The following ZNRF1 variants were observed in gnomAD, a reference collection of about 807,000 sequenced individuals.
ZNRF1 encodes the protein E3 ubiquitin-protein ligase ZNRF1.
A neutral mutation model predicts 18.4 loss-of-function variants in ZNRF1; 3 were observed. The ratio of observed to expected loss-of-function variants is 0.16; its 90% CI spans 0.07 to 0.42. The LOEUF is 0.42. ZNRF1 is among the 10% of genes least tolerant of loss of function. The probability of loss-of-function intolerance (pLI) is 0.99; values close to 1 mark genes in which losing one functional copy is unlikely to be tolerated. For synonymous variants in ZNRF1, 157 were observed against 144.2 expected (o/e 1.09, Z -0.64); for missense variants, 310 against 329.8 (o/e 0.94, Z 0.47).
chr16:75,022,133 T>C (rs934524792), intron 1 of ZNRF1, among the ~76,000 whole-genome samples: 3 of 151,978 alleles, frequency 2.0e-5, no homozygotes, highest in Non-Finnish European at 4.4e-5. Flanking sequence ...TGGGCACCTG[T>C]AATCCCAGCT....
rs1597877579 is a variant in ZNRF1, at chr16:75,045,745, G to C, written c.424+45650G>C. On this transcript the variant is annotated intron_variant, in intron 1 of 4. Transcript: ENST00000335325. Reference sequence around the variant, plus strand: ...TTTTTTTTTTTTTTTTCCAGAGACAGGGCTAATTCACCCAGGCTGGAGTGC... The same window carrying C: ...TTTTTTTTTTTTTTTTCCAGAGACACGGCTAATTCACCCAGGCTGGAGTGC... 3.4e-5 allele frequency among the ~76,000 whole-genome samples: 5 copies of C among 147,806 alleles called. No individual in the cohort carries two copies. The South Asian group carries it at 1.1e-3, about 32-fold the overall frequency.
At chr16:75,025,723 A>C (rs2035213721) in intron 1 of ZNRF1, among the ~76,000 whole-genome samples, 1 of 152,214 alleles carries the variant, frequency 6.6e-6, no homozygotes, top group Non-Finnish European at 1.5e-5. Context: ...GTTCTGAAGA[A>C]TCTGAATGTG....
intron 1 of ZNRF1, among the ~76,000 whole-genome samples, chr16:75,033,130 G>A (rs1203041917): frequency 2.0e-5 from 3 of 151,958 alleles, no homozygotes; most frequent in South Asian, 4.2e-4. Context: ...TTTGATTACT[G>A]TGGTGTTATA....
chr16:75,098,894 C>T (rs1307211607), intron 2 of ZNRF1, among the ~76,000 whole-genome samples: 1 of 152,126 alleles, frequency 6.6e-6, no homozygotes, highest in Non-Finnish European at 1.5e-5. Context: ...CTAGCAGTTC[C>T]AGGGTCTCTT....
At chr16:75,071,984 G>C (rs1310038662) in intron 1 of ZNRF1, among the ~76,000 whole-genome samples, 1 of 152,056 alleles carries the variant, frequency 6.6e-6, no homozygotes, top group Non-Finnish European at 1.5e-5. Flanking sequence ...GGTCTTTCCA[G>C]CTGGAGTGCA....
chr16:75,008,904 G>T (rs994279663), intron 1 of ZNRF1, among the ~76,000 whole-genome samples: 1 of 152,124 alleles, frequency 6.6e-6, no homozygotes, highest in Admixed American at 6.5e-5. Context: ...GTTGGGGCAG[G>T]TGATCTTTTC....
At chr16:75,072,056 A>T (rs2035877204) in intron 1 of ZNRF1, among the ~76,000 whole-genome samples, 1 of 151,506 alleles carries the variant, frequency 6.6e-6, no homozygotes. Flanking sequence ...CTCCCACTTC[A>T]GCCTCCCGAA....
intron 2 of ZNRF1, among the ~76,000 whole-genome samples, chr16:75,098,121 C>T (rs2036219482): frequency 6.6e-6 from 1 of 152,208 alleles, no homozygotes; most frequent in Non-Finnish European, 1.5e-5. Context: ...CCTGTTACTC[C>T]TCCTACAGGA....
At chr16:75,065,233 T>C (rs901102997) in intron 1 of ZNRF1, among the ~76,000 whole-genome samples, 1 of 152,210 alleles carries the variant, frequency 6.6e-6, no homozygotes, top group African/African-American at 2.4e-5. Context: ...CTTCTTACTC[T>C]AGTACAATCA....
chr16:75,092,077 C>T (rs1406624736), intron 1 of ZNRF1, among the ~76,000 whole-genome samples: 1 of 151,986 alleles, frequency 6.6e-6, no homozygotes, highest in Non-Finnish European at 1.5e-5. Flanking sequence ...GGGCAGGAGA[C>T]TGTTTGAGCC....
intron 1 of ZNRF1, among the ~76,000 whole-genome samples, chr16:75,085,821 A>AGAGAGAGAGAGAGAGAGAGG: frequency 6.8e-6 from 1 of 146,240 alleles, no homozygotes; most frequent in Non-Finnish European, 1.5e-5. Flanking sequence ...AGAGAGAGTG[A>AGAGAGAGAGAGAGAGAGAGG]GTGTGTGTGT....
intron 2 of ZNRF1, among the ~76,000 whole-genome samples, chr16:75,099,181 C>G (rs958604825): frequency 2.0e-5 from 3 of 152,210 alleles, no homozygotes; most frequent in Admixed American, 6.5e-5. Context: ...GTCATCACCA[C>G]TTAGCAGCTG....
intron 1 of ZNRF1, among the ~76,000 whole-genome samples, chr16:75,035,430 G>A (rs1303106672): frequency 6.6e-6 from 1 of 152,154 alleles, no homozygotes; most frequent in Non-Finnish European, 1.5e-5. Flanking sequence ...GCAATGGTGC[G>A]ATCTTGTTGC....
intron 1 of ZNRF1, among the ~76,000 whole-genome samples, chr16:75,059,933 G>C (rs1158165318): frequency 2.0e-5 from 3 of 152,130 alleles, no homozygotes; most frequent in African/African-American, 7.2e-5. Context: ...ATTTGACTAG[G>C]ATTTTATGAC....
At chr16:75,021,246 C>G (rs2035143742) in intron 1 of ZNRF1, among the ~76,000 whole-genome samples, 1 of 151,972 alleles carries the variant, frequency 6.6e-6, no homozygotes, top group Non-Finnish European at 1.5e-5. Flanking sequence ...ACCACGTTGG[C>G]CAGGCTGGTC....
intron 1 of ZNRF1, among the ~76,000 whole-genome samples, chr16:75,064,159 G>C (rs2035775436): frequency 6.6e-6 from 1 of 152,026 alleles, no homozygotes; most frequent in Admixed American, 6.6e-5. Context: ...AAAACAGCCA[G>C]GGGTGGTGGT....
At chr16:75,068,285 G>A (rs962846862) in intron 1 of ZNRF1, among the ~76,000 whole-genome samples, 12 of 151,166 alleles carry the variant, frequency 7.9e-5, no homozygotes, top group Non-Finnish European at 1.0e-4. Flanking sequence ...GATTGCTTAA[G>A]CCCTGGAGGT....
At chr16:75,020,000 C>G (rs376368693) in intron 1 of ZNRF1, among the ~76,000 whole-genome samples, 30 of 152,186 alleles carry the variant, frequency 2.0e-4, no homozygotes, top group Non-Finnish European at 3.5e-4. Flanking sequence ...TGTGAGCCAC[C>G]GCGCCCAGCC....
At chr16:75,064,454 G>A (rs1029125504) in intron 1 of ZNRF1, among the ~76,000 whole-genome samples, 5 of 151,920 alleles carry the variant, frequency 3.3e-5, no homozygotes, top group African/African-American at 9.7e-5. Flanking sequence ...TACTCAGGAG[G>A]CTGAGGCAGG....
Sources: gnomAD v4.1 joint callset for allele counts (sites outside exome capture counted in the v4.1 genomes callset) on GRCh38, gnomAD v4.1.1 for gene constraint, MANE v1.5 for transcripts, NCBI Gene and HGNC (gene_info 2026-07-23, HGNC 2026-07-21) for gene names.